Variants in HOXB3 observed in about 807,000 individuals in gnomAD.
HOXB3 encodes the protein homeobox protein Hox-B3.
Under a neutral mutation model 29.2 loss-of-function variants are expected in HOXB3, and 17 were observed. The ratio of observed to expected loss-of-function variants is 0.58; its 90% CI spans 0.40 to 0.87. HOXB3 has a LOEUF of 0.87. Among genes scored for constraint, HOXB3 ranks in the 40% least tolerant of loss-of-function variants. The pLI, the probability that HOXB3 is intolerant of heterozygous loss-of-function variation, is 0.00. For synonymous variants in HOXB3, 317 were observed against 285.9 expected (o/e 1.11, Z -1.10); for missense variants, 637 against 616.3 (o/e 1.03, Z -0.35).
At chr17:48,552,662 G>A (rs2068811970) in intron 3 of HOXB3, 30 bp from the exon 4 acceptor site, 2 of 550,968 alleles carry the variant, frequency 3.6e-6, no homozygotes, top group South Asian at 5.5e-5. Flanking sequence ...ACACAAGGGG[G>A]AGAAGAGGAC....
At position 48,585,506 on chromosome 17, in the gene HOXB3, C is replaced by T. The variant is rs540941198; in HGVS notation, c.-425+4619G>A. Among the ~76,000 whole-genome samples the T allele has an allele frequency of 9.2e-5, 14 of 152,304 alleles. No homozygotes were observed. In the South Asian group the frequency reaches 2.9e-3, roughly 32 times the overall value. The stretch of plus-strand genomic sequence containing the variant: ...CGGCCGCTCGCTGACGCCTCAGAGG[C>T]CCCAGCCTGGCTGTGAACTTGGTCT... On this transcript the variant is annotated intron_variant, in intron 1 of 4. Transcript: ENST00000498678.
intron 1 of HOXB3, among the ~76,000 whole-genome samples, chr17:48,588,602 G>A (rs1014882977): frequency 6.6e-6 from 1 of 152,252 alleles, no homozygotes; most frequent in Non-Finnish European, 1.5e-5. Flanking sequence ...TAGAGTGGAA[G>A]ACTGTGGAAG....
chr17:48,571,921 C>T (rs2069597388), intron 2 of HOXB3, among the ~76,000 whole-genome samples: 1 of 152,190 alleles, frequency 6.6e-6, no homozygotes, highest in East Asian at 1.9e-4. Context: ...ACCCACATAT[C>T]CCAGCAAGGT....
chr17:48,567,643 T>G (rs2144836815), intron 2 of HOXB3, among the ~76,000 whole-genome samples: 1 of 152,350 alleles, frequency 6.6e-6, no homozygotes, highest in South Asian at 2.1e-4. Flanking sequence ...GCACCCCGTT[T>G]GCTCCCTTTT....
chr17:48,572,484 C>T (rs2069615397), intron 2 of HOXB3, among the ~76,000 whole-genome samples: 1 of 152,144 alleles, frequency 6.6e-6, no homozygotes, highest in Admixed American at 6.5e-5. Flanking sequence ...CCTCTGAAGC[C>T]TTGTGGATTA....
chr17:48,570,969 G>C (rs2069565955), intron 2 of HOXB3, among the ~76,000 whole-genome samples: 3 of 152,198 alleles, frequency 2.0e-5, no homozygotes, highest in Admixed American at 2.0e-4. Context: ...AGAGGAGAGA[G>C]AAATGCTGGA....
chr17:48,573,860 GCCCGAACTCTGCAGAT>G lies in HOXB3; in HGVS notation c.-286_-271del. On this transcript the variant is annotated 5_prime_UTR_variant, in exon 2 of 5. An upstream open reading frame in the 5' UTR gains an earlier in-frame stop. Transcript: ENST00000498678. Reference sequence around the variant, plus strand: ...ACCTTTGCGCCTCTCGCCTCCTCTCGCCCGAACTCTGCAGATCCCATTCATGACGAAGGGCTTCTTC... The same window carrying G: ...ACCTTTGCGCCTCTCGCCTCCTCTCGCCCATTCATGACGAAGGGCTTCTTC... The G allele has an allele frequency of 1.4e-6, 1 of 702,130 alleles. No individual in the cohort carries two copies. The highest frequency in any genetic ancestry group is 2.7e-5 in the East Asian group (1 of 37,272). 43.5% of individuals were successfully genotyped at this position (702,130 alleles called of 1,614,324 possible).
At chr17:48,569,570 C>T (rs1483850343) in intron 2 of HOXB3, among the ~76,000 whole-genome samples, 4 of 152,182 alleles carry the variant, frequency 2.6e-5, no homozygotes, top group African/African-American at 9.7e-5. Flanking sequence ...GTTCTTCTCT[C>T]TGCATCCTTT....
At position 48,578,418 on chromosome 17, in the gene HOXB3, CA is replaced by C. The variant is rs1201811624; in HGVS notation, c.-424-4405del. On this transcript the variant is annotated intron_variant, in intron 1 of 4. Transcript: ENST00000498678. ...GCCCTCCTACTTACTGTCAAGTGAA[CA>C]AAGTTAGGCGCCCACGTGATCCTCC... is the stretch of plus-strand genomic sequence containing the variant. 7 of 1,441,250 alleles carry C rather than the reference CA, an allele frequency of 4.9e-6. No homozygotes were observed. In the African/African-American group the frequency reaches 7.4e-5, roughly 15 times the overall value. The allele number at this position is 1,441,250 out of a possible 1,614,324, so 89.3% of individuals were successfully genotyped here. A position where few individuals can be genotyped will look rare whatever the true frequency, so the allele number is the denominator to read the frequency against.
At chr17:48,558,474 G>A (rs2069078102) in intron 2 of HOXB3, among the ~76,000 whole-genome samples, 1 of 152,156 alleles carries the variant, frequency 6.6e-6, no homozygotes, top group South Asian at 2.1e-4. Flanking sequence ...TCTTAATTCT[G>A]GAGTACAGAG....
At position 48,552,057 on chromosome 17, in the gene HOXB3, A is replaced by G. The variant is rs2068772861; in HGVS notation, c.418T>C (p.Ser140Pro). 2 of 1,593,340 alleles carry G rather than the reference A, an allele frequency of 1.3e-6. No homozygotes were observed. Among genetic ancestry groups the G allele is most frequent in the African/African-American group, 1.3e-5 (1 of 74,560 alleles). ...FPWMKESRQT[S>P]KLKNNSPGTA... ...CCGGGGGAGTTGTTTTTCAGCTTGG[A>G]CGTTTGCCTCGACTCTTTCATCCAG... Residue 140 changes from serine (S) to proline (P), a missense_variant, in exon 4 of 5, where the codon TCC (serine) becomes CCC (proline). Transcript: ENST00000498678.
intron 1 of HOXB3, among the ~76,000 whole-genome samples, chr17:48,577,689 G>A (rs1597852699): frequency 6.6e-6 from 1 of 152,180 alleles, no homozygotes; most frequent in Admixed American, 6.5e-5. Flanking sequence ...AAAATTTATG[G>A]GGGATGTAAT....
intron 3 of HOXB3, chr17:48,553,946 T>C (rs2068863983): frequency 6.6e-6 from 1 of 152,104 alleles, no homozygotes; most frequent in Non-Finnish European, 1.5e-5. Flanking sequence ...CATAGGAAAA[T>C]AAAATAAAAG....
chr17:48,570,605 G>T (rs1457674688), intron 2 of HOXB3, among the ~76,000 whole-genome samples: 3 of 152,172 alleles, frequency 2.0e-5, no homozygotes, highest in African/African-American at 7.2e-5. Context: ...TTGAGGACCC[G>T]GTTGTCTTAA....
At chr17:48,566,102 T>C (rs377658926) in intron 2 of HOXB3, among the ~76,000 whole-genome samples, 2 of 152,170 alleles carry the variant, frequency 1.3e-5, no homozygotes, top group Admixed American at 1.3e-4. Context: ...TAGAGCTCTG[T>C]CTACCAGATG....
At position 48,551,039 on chromosome 17, in the gene HOXB3, G is replaced by C. The variant is rs766702863; in HGVS notation, c.591C>G (p.Ser197Arg). 5.6e-6 allele frequency: 9 copies of C among 1,607,598 alleles called. No individual in the cohort carries two copies. Among genetic ancestry groups the C allele is most frequent in the African/African-American group, 1.3e-5 (1 of 74,654 alleles). ...ASKRARTAYT[S>R]AQLVELEKEF... ...CCTTCTCCAGCTCCACCAGCTGCGC[G>C]CTCGTGTACGCCGTCCGCGCCCGCT... The change falls in exon 5 of 5, where the codon AGC (serine) becomes AGG (arginine). Residue 197 changes from serine to arginine, a missense_variant. By Grantham distance (110) the Ser-to-Arg change is moderately radical. Coordinates refer to ENST00000498678, the MANE Select transcript of HOXB3 (RefSeq NM_001384749.1).
At chr17:48,559,571 CCA>C (rs2069121735) in intron 2 of HOXB3, 1 of 152,248 alleles carries the variant, frequency 6.6e-6, no homozygotes, top group Non-Finnish European at 1.5e-5. Context: ...ACCCGAATCT[CCA>C]TTTTCCCCTA....
At chr17:48,579,950 C>G (rs976867810) in intron 1 of HOXB3, 2 of 513,428 alleles carry the variant, frequency 3.9e-6, no homozygotes, top group Non-Finnish European at 7.9e-6. Context: ...GACAGATCTT[C>G]TTGGCCCAGA....
chr17:48,583,474 A>G (rs1052206412), intron 1 of HOXB3, among the ~76,000 whole-genome samples: 2 of 152,180 alleles, frequency 1.3e-5, no homozygotes, highest in African/African-American at 4.8e-5. Flanking sequence ...CCAGCTTCCT[A>G]GGGTCCTGCA....
Sources: gnomAD v4.1 joint callset for allele counts (sites outside exome capture counted in the v4.1 genomes callset) on GRCh38, gnomAD v4.1.1 for gene constraint, MANE v1.5 for transcripts, NCBI Gene and HGNC (gene_info 2026-07-23, HGNC 2026-07-21) for gene names.